LEKR1: variants seen among roughly 807,000 people sequenced by gnomAD.
The protein encoded by LEKR1 is protein LEKR1.
Under a neutral mutation model 72.4 loss-of-function variants are expected in LEKR1, and 59 were observed. The observed-to-expected ratio is 0.82, with a 90% CI of 0.66 to 1.01. LEKR1 has a LOEUF of 1.01. Ranked by LOEUF, LEKR1 falls within the 50% of genes least tolerant of loss-of-function variation. The probability of loss-of-function intolerance (pLI) is 0.00; values close to 1 mark genes in which losing one functional copy is unlikely to be tolerated. For missense variants in LEKR1, 728 were observed against 759.2 expected (o/e 0.96, Z 0.48); for synonymous variants, 257 against 263.2 (o/e 0.98, Z 0.23).
chr3:156,846,996 T>G lies in LEKR1; in HGVS notation c.49-5772T>G, dbSNP rs544441902. Among the ~76,000 whole-genome samples, 373 of 152,082 alleles carry G rather than the reference T, an allele frequency of 2.5e-3. 1 individual carries two copies. Among genetic ancestry groups the G allele is most frequent in the African/African-American group, 8.6e-3 (355 of 41,492 alleles). ...CCTGGCTAATTTTTAAAAAATTTTTTGTAGAAATAAGGTCTCACCGTGTTG... is the reference window on the plus strand; with the variant it reads ...CCTGGCTAATTTTTAAAAAATTTTTGGTAGAAATAAGGTCTCACCGTGTTG... On this transcript the variant is annotated intron_variant, in intron 2 of 12. Transcript: ENST00000356539.
intron 3 of LEKR1, among the ~76,000 whole-genome samples, chr3:156,867,386 A>C (rs1257784455): frequency 6.6e-6 from 1 of 152,080 alleles, no homozygotes; most frequent in Non-Finnish European, 1.5e-5. Context: ...TCTATATGTC[A>C]AAAAAGTCTA....
rs1377815661 is a variant in LEKR1 at position 156,995,103 on chromosome 3, T to C, written c.1109+1826T>C. Reference sequence around the variant, plus strand: ...TGGGAAATCAACCTGGGAAATACTATTGGGGATCAAAAATAAAGTAAATTT... The same window carrying C: ...TGGGAAATCAACCTGGGAAATACTACTGGGGATCAAAAATAAAGTAAATTT... On this transcript the variant is annotated intron_variant, in intron 9 of 12. Coordinates refer to ENST00000356539, the MANE Select transcript of LEKR1 (RefSeq NM_001004316.3). Among the ~76,000 whole-genome samples the C allele has an allele frequency of 5.3e-5, 8 of 152,232 alleles. 1 individual carries two copies. The highest frequency in any genetic ancestry group is 2.4e-5 in the African/African-American group (1 of 41,452).
chr3:157,044,873 C>T (rs1345925299), intron 12 of LEKR1, among the ~76,000 whole-genome samples: 1 of 152,162 alleles, frequency 6.6e-6, no homozygotes, highest in Non-Finnish European at 1.5e-5. Context: ...ACTTCAAGCA[C>T]TTTTACCTGT....
At chr3:156,876,178 C>G (rs1309140092) in intron 3 of LEKR1, among the ~76,000 whole-genome samples, 1 of 152,008 alleles carries the variant, frequency 6.6e-6, no homozygotes, top group Non-Finnish European at 1.5e-5. Context: ...CTCTTCTGTT[C>G]CATTGGTCTA....
intron 7 of LEKR1, among the ~76,000 whole-genome samples, chr3:156,989,285 G>A (rs1428840138): frequency 6.6e-6 from 1 of 152,130 alleles, no homozygotes; most frequent in Non-Finnish European, 1.5e-5. Context: ...TTTTTAGAAT[G>A]TCAAGTTTTT....
At chr3:156,900,649 C>G (rs1721936373) in intron 3 of LEKR1, among the ~76,000 whole-genome samples, 1 of 152,090 alleles carries the variant, frequency 6.6e-6, no homozygotes, top group Admixed American at 6.5e-5. Flanking sequence ...TTTAGTGAAA[C>G]ACTGATAGTA....
At chr3:156,943,388 T>G (rs1726394712) in intron 6 of LEKR1, among the ~76,000 whole-genome samples, 1 of 151,914 alleles carries the variant, frequency 6.6e-6, no homozygotes, top group Non-Finnish European at 1.5e-5. Context: ...AACTCACATT[T>G]TTTTAAGTCC....
intron 9 of LEKR1, among the ~76,000 whole-genome samples, chr3:156,997,203 G>T: frequency 6.6e-6 from 1 of 152,154 alleles, no homozygotes; most frequent in Non-Finnish European, 1.5e-5. Context: ...GCTCTGTTTT[G>T]GTTCTTTCCC....
At chr3:157,025,934 T>C (rs1734153687) in intron 11 of LEKR1, among the ~76,000 whole-genome samples, 1 of 151,970 alleles carries the variant, frequency 6.6e-6, no homozygotes, top group Non-Finnish European at 1.5e-5. Flanking sequence ...GTGTATACCC[T>C]GGCTACTTGG....
chr3:156,910,141 T>C (rs893087302), intron 3 of LEKR1, among the ~76,000 whole-genome samples: 2 of 152,200 alleles, frequency 1.3e-5, no homozygotes, highest in African/African-American at 4.8e-5. Flanking sequence ...AGAGGTTTTA[T>C]TGTTATTACT....
At chr3:156,983,515 A>G (rs1730410511) in intron 7 of LEKR1, among the ~76,000 whole-genome samples, 1 of 152,100 alleles carries the variant, frequency 6.6e-6, no homozygotes, top group Non-Finnish European at 1.5e-5. Context: ...GCTCCAAGCA[A>G]TCACATTTTT....
chr3:156,882,309 A>G (rs1273256285), intron 3 of LEKR1, among the ~76,000 whole-genome samples: 53 of 151,160 alleles, frequency 3.5e-4, no homozygotes, highest in African/African-American at 1.2e-3. Context: ...TTACAAGAAA[A>G]AAACAAACAA....
At position 157,028,350 on chromosome 3, in the gene LEKR1, T is replaced by C. The variant is rs1355981025; in HGVS notation, c.1616T>C (p.Val539Ala). The change falls in exon 12 of 13, where the codon GTA becomes GCA. Residue 539 changes from valine (V) to alanine (A), a missense_variant. By Grantham distance (64) the Val-to-Ala change is moderately conservative. Coordinates refer to ENST00000356539, the MANE Select transcript of LEKR1 (RefSeq NM_001004316.3). Reference protein sequence around the residue: ...MEQKSDELKRVMLAQTQLIEQ... With the variant: ...MEQKSDELKRAMLAQTQLIEQ... The stretch of plus-strand genomic sequence containing the variant: ...CAGAAGTCGGATGAACTGAAAAGAG[T>C]AATGCTGGCTCAAACACAACTGATA... The C allele has an allele frequency of 6.2e-6, 10 of 1,612,478 alleles. No homozygotes were observed. The highest frequency in any genetic ancestry group is 1.1e-5 in the South Asian group (1 of 90,806).
intron 4 of LEKR1, among the ~76,000 whole-genome samples, chr3:156,923,160 T>C (rs1396578980): frequency 6.6e-6 from 1 of 152,218 alleles, no homozygotes; most frequent in Non-Finnish European, 1.5e-5. Context: ...CATTGAGATA[T>C]AATTTGCATA....
chr3:156,851,863 C>T (rs1715408563), intron 2 of LEKR1, among the ~76,000 whole-genome samples: 1 of 152,156 alleles, frequency 6.6e-6, no homozygotes, highest in African/African-American at 2.4e-5. Flanking sequence ...GAAGCCATCT[C>T]TTATCCTTTA....
At chr3:156,876,083 T>C (rs1044280652) in intron 3 of LEKR1, among the ~76,000 whole-genome samples, 1 of 151,682 alleles carries the variant, frequency 6.6e-6, no homozygotes, top group African/African-American at 2.4e-5. Context: ...ATTTGTGGAA[T>C]AGGGTGTCCT....
intron 3 of LEKR1, among the ~76,000 whole-genome samples, chr3:156,870,182 T>C (rs1717762370): frequency 6.6e-6 from 1 of 151,954 alleles, no homozygotes; most frequent in Admixed American, 6.6e-5. Context: ...TGCTTTGGCT[T>C]TTTGAACTCC....
chr3:156,924,183 A>G (rs1724491955), intron 4 of LEKR1, among the ~76,000 whole-genome samples: 2 of 152,172 alleles, frequency 1.3e-5, no homozygotes, highest in Admixed American at 1.3e-4. Context: ...TGGGTGTAAA[A>G]TAGTATCTCA....
intron 3 of LEKR1, among the ~76,000 whole-genome samples, chr3:156,907,151 T>C (rs980800809): frequency 1.3e-5 from 2 of 152,074 alleles, no homozygotes; most frequent in African/African-American, 4.8e-5. Flanking sequence ...ATCTAAATAA[T>C]GTAGGAAAGA....
Sources: gnomAD v4.1 joint callset for allele counts (sites outside exome capture counted in the v4.1 genomes callset) on GRCh38, gnomAD v4.1.1 for gene constraint, MANE v1.5 for transcripts, NCBI Gene and HGNC (gene_info 2026-07-23, HGNC 2026-07-21) for gene names.